CCDC149: variants seen among roughly 807,000 people sequenced by gnomAD.
CCDC149 encodes coiled-coil domain-containing protein 149.
CCDC149 carries 45 observed loss-of-function variants against 59.9 expected under a neutral mutation model. The observed-to-expected ratio is 0.75, with a 90% CI of 0.59 to 0.96. CCDC149 has a LOEUF of 0.96. Ranked by LOEUF, CCDC149 falls within the 40% of genes least tolerant of loss-of-function variation. The pLI is 0.00. For missense variants in CCDC149, 584 were observed against 664.7 expected (o/e 0.88, Z 1.33); for synonymous variants, 245 against 260.6 (o/e 0.94, Z 0.58).
intron 1 of CCDC149, among the ~76,000 whole-genome samples, chr4:24,941,028 G>C (rs1160001109): frequency 6.6e-6 from 1 of 152,130 alleles, no homozygotes; most frequent in South Asian, 2.1e-4. Flanking sequence ...ATTGAACTCA[G>C]CTCTGCACCA....
intron 9 of CCDC149, among the ~76,000 whole-genome samples, chr4:24,825,273 G>A (rs2109115392): frequency 6.6e-6 from 1 of 152,342 alleles, no homozygotes; most frequent in East Asian, 1.9e-4. Context: ...GGACGGTGCA[G>A]TGGAAGGCTT....
At chr4:24,978,790 C>A (rs1316841417) in intron 1 of CCDC149, among the ~76,000 whole-genome samples, 1 of 152,212 alleles carries the variant, frequency 6.6e-6, no homozygotes, top group Non-Finnish European at 1.5e-5. Flanking sequence ...AGATTCAGAT[C>A]TACTCGGACT....
chr4:24,959,318 C>T (rs976620772), intron 1 of CCDC149, among the ~76,000 whole-genome samples: 1 of 152,098 alleles, frequency 6.6e-6, no homozygotes, highest in Non-Finnish European at 1.5e-5. Context: ...ACCTGTGGGA[C>T]AACTGTGTTT....
intron 3 of CCDC149, among the ~76,000 whole-genome samples, chr4:24,863,152 G>T (rs1282577315): frequency 2.0e-5 from 3 of 152,040 alleles, no homozygotes; most frequent in Non-Finnish European, 2.9e-5. Flanking sequence ...AATTAGCCGG[G>T]CGTGGCGGTA....
At chr4:24,827,608 TA>T (rs1329994231) in intron 9 of CCDC149, 1 of 152,240 alleles carries the variant, frequency 6.6e-6, no homozygotes, top group Non-Finnish European at 1.5e-5. Flanking sequence ...GTTTGAAAGA[TA>T]AATGAACCTC....
chr4:24,883,635 G>A (rs143310503), intron 1 of CCDC149, among the ~76,000 whole-genome samples: 163 of 152,300 alleles, frequency 1.1e-3, no homozygotes, highest in African/African-American at 3.2e-3. Context: ...TCTGCCCACC[G>A]CCTGCTGCCC....
intron 1 of CCDC149, among the ~76,000 whole-genome samples, chr4:24,959,493 GA>G (rs61289875): frequency 0.18 from 26,712 of 149,794 alleles, 3,176 homozygotes; most frequent in African/African-American, 0.32. Flanking sequence ...AAGCAGCACA[GA>G]AAAAAAAAAT....
At chr4:24,897,705 G>T (rs1268955229) in intron 1 of CCDC149, among the ~76,000 whole-genome samples, 1 of 152,172 alleles carries the variant, frequency 6.6e-6, no homozygotes, top group Non-Finnish European at 1.5e-5. Context: ...CCAGAGAGGG[G>T]TATGAATGAA....
chr4:24,920,860 T>G (rs542943331), intron 1 of CCDC149, among the ~76,000 whole-genome samples: 1 of 152,184 alleles, frequency 6.6e-6, no homozygotes, highest in African/African-American at 2.4e-5. Context: ...ACCTACCAGT[T>G]CAGGGGTCAC....
At chr4:24,967,698 T>G (rs1168483814) in intron 1 of CCDC149, among the ~76,000 whole-genome samples, 1 of 150,650 alleles carries the variant, frequency 6.6e-6, no homozygotes, top group Non-Finnish European at 1.5e-5. Flanking sequence ...CCAGAAGGGG[T>G]CTAGCTATTC....
At chr4:24,855,480 C>A (rs938675035) in intron 3 of CCDC149, among the ~76,000 whole-genome samples, 20 of 151,638 alleles carry the variant, frequency 1.3e-4, no homozygotes, top group African/African-American at 4.4e-4. Context: ...GTGGGAGAAT[C>A]CCTTGAACTG....
At position 24,838,243 on chromosome 4, in the gene CCDC149, C is replaced by A; in HGVS notation, c.402G>T (p.Arg134Ser). 6.2e-7 allele frequency: 1 copy of A among 1,614,132 alleles called. No individual in the cohort carries two copies. The highest frequency in any genetic ancestry group is 2.2e-5 in the East Asian group (1 of 44,878). Residue 134 changes from arginine (R) to serine (S), a missense_variant, in exon 5 of 13, where the codon AGG becomes AGT. Physicochemically the swap from Arg to Ser is moderately radical, Grantham distance 110. Transcript: ENST00000635206. The stretch of plus-strand genomic sequence containing the variant: ...GCACGCCGATTGCTTCGTCTCCGAG[C>A]CTTTGTTTGGCAATCGTCATCCTCA...
intron 1 of CCDC149, among the ~76,000 whole-genome samples, chr4:24,885,891 AT>A (rs1720147376): frequency 6.6e-6 from 1 of 152,216 alleles, no homozygotes; most frequent in Non-Finnish European, 1.5e-5. Context: ...CTTAGGAATA[AT>A]AAGAAGACCT....
Position 24,876,633 on chromosome 4 carries a change from A to G in CCDC149, c.128T>C (p.Leu43Pro), listed in dbSNP as rs1285468265. ...GTCCCTTTCCTGTTGACAGGTGTCCAGCTCCTTGGAGAGGATCAGCAGGGC... is the reference window on the plus strand; with the variant it reads ...GTCCCTTTCCTGTTGACAGGTGTCCGGCTCCTTGGAGAGGATCAGCAGGGC... The change falls in exon 2 of 13, where the codon CTG becomes CCG. Residue 43 changes from leucine to proline, a missense_variant. Coordinates refer to ENST00000635206, the MANE Select transcript of CCDC149 (RefSeq NM_001330643.2). 10 of 1,614,044 alleles carry G rather than the reference A, an allele frequency of 6.2e-6. No homozygotes were observed. The highest frequency in any genetic ancestry group is 8.5e-6 in the Non-Finnish European group (10 of 1,180,030).
intron 1 of CCDC149, among the ~76,000 whole-genome samples, chr4:24,883,612 A>T (rs1719979613): frequency 6.6e-6 from 1 of 152,116 alleles, no homozygotes; most frequent in African/African-American, 2.4e-5. Flanking sequence ...AGCTCTGAGG[A>T]TTTAATCCCT....
intron 1 of CCDC149, among the ~76,000 whole-genome samples, chr4:24,957,641 C>T (rs1157077800): frequency 6.6e-6 from 1 of 150,914 alleles, no homozygotes; most frequent in Non-Finnish European, 1.5e-5. Context: ...GATCCATAGG[C>T]AAAATCCAGG....
intron 3 of CCDC149, among the ~76,000 whole-genome samples, chr4:24,867,593 T>C (rs1718779653): frequency 6.6e-6 from 1 of 152,228 alleles, no homozygotes; most frequent in Admixed American, 6.5e-5. Context: ...ATGTGGTCCA[T>C]GGAACACCAA....
chr4:24,837,512 A>G lies in CCDC149; in HGVS notation c.490-112T>C. On this transcript the variant is annotated intron_variant, in intron 5 of 12. Coordinates refer to ENST00000635206, the MANE Select transcript of CCDC149 (RefSeq NM_001330643.2). The surrounding 1 kb of genome is among the most constrained non-coding windows in gnomAD (Gnocchi z 4.3). ...GATTTTTAGAGAGTTTATTAACACT[A>G]CCCGCATGCCCTAAAGCCATAAGCG... 1 of 942,016 alleles carries G rather than the reference A, an allele frequency of 1.1e-6. No individual in the cohort carries two copies. The highest frequency in any genetic ancestry group is 1.6e-6 in the Non-Finnish European group (1 of 619,106). The allele number at this position is 942,016 out of a possible 1,614,324, so 58.4% of individuals were successfully genotyped here.
chr4:24,976,661 C>G (rs549152517), intron 1 of CCDC149, among the ~76,000 whole-genome samples: 1 of 152,020 alleles, frequency 6.6e-6, no homozygotes, highest in Non-Finnish European at 1.5e-5. Context: ...TGCAGTGAGC[C>G]GAGATCGTGC....
Sources: allele counts gnomAD v4.1 joint callset (sites outside exome capture counted in the v4.1 genomes callset), GRCh38; gene constraint gnomAD v4.1.1; non-coding constraint Gnocchi (gnomAD v3.1); transcripts MANE v1.5; gene names NCBI Gene and HGNC (gene_info 2026-07-23, HGNC 2026-07-21).